Variants in PCDHGA6 observed in about 807,000 individuals in gnomAD.
PCDHGA6 encodes protocadherin gamma subfamily A, 6.
PCDHGA6 carries 41 observed loss-of-function variants against 60.6 expected under a neutral mutation model. The observed-to-expected ratio is 0.68, with a 90% CI of 0.53 to 0.88. The LOEUF is 0.88. PCDHGA6 is among the 40% of genes least tolerant of loss of function. The pLI is 0.00. For missense variants in PCDHGA6, 1,312 were observed against 1,203.0 expected (o/e 1.09, Z -1.34); for synonymous variants, 594 against 524.4 (o/e 1.13, Z -1.81).
chr5:141,458,513 GT>G (rs537551567), intron 1 of PCDHGA6, among the ~76,000 whole-genome samples: 34 of 146,056 alleles, frequency 2.3e-4, no homozygotes, highest in South Asian at 6.5e-4. Flanking sequence ...TTGACACTTT[GT>G]TTTTTTTTTT....
chr5:141,404,071 C>T, intron 1 of PCDHGA6: 2 of 1,613,734 alleles, frequency 1.2e-6, no homozygotes, highest in Non-Finnish European at 1.7e-6. Context: ...ATGCTCATGA[C>T]CGAGACTCCG....
At chr5:141,483,242 C>T (rs2099578681) in intron 1 of PCDHGA6, among the ~76,000 whole-genome samples, 1 of 151,558 alleles carries the variant, frequency 6.6e-6, no homozygotes, top group African/African-American at 2.4e-5. Flanking sequence ...AACTGATATG[C>T]ATATATCATG....
chr5:141,394,435 C>T, intron 1 of PCDHGA6: 1 of 1,614,246 alleles, frequency 6.2e-7, no homozygotes, highest in Non-Finnish European at 8.5e-7. Flanking sequence ...GGGGACCCGC[C>T]CCTCAGCAGC....
At chr5:141,494,972 C>A in intron 2 of PCDHGA6, 107 bp downstream of exon 2, 1 of 1,581,852 alleles carries the variant, frequency 6.3e-7, no homozygotes, top group South Asian at 1.1e-5. Flanking sequence ...TGGCTTCTCC[C>A]TCAGTTTGAG....
chr5:141,390,231 T>C, intron 1 of PCDHGA6: 1 of 1,614,086 alleles, frequency 6.2e-7, no homozygotes, highest in South Asian at 1.1e-5. Flanking sequence ...CGGTGATTCA[T>C]CTGGGGCCTT....
At chr5:141,475,903 G>A in intron 1 of PCDHGA6, 1 of 576,064 alleles carries the variant, frequency 1.7e-6, no homozygotes. Context: ...TGCCGCTGTC[G>A]GCCAATGAAG....
At chr5:141,413,443 A>G (rs2095641277) in intron 1 of PCDHGA6, 1 of 1,613,986 alleles carries the variant, frequency 6.2e-7, no homozygotes, top group Admixed American at 1.7e-5. Context: ...CAGCTTGATC[A>G]CCGCGGGCAG....
At chr5:141,423,202 G>A (rs771252840) in intron 1 of PCDHGA6, 67 of 1,613,500 alleles carry the variant, frequency 4.2e-5, no homozygotes, top group Non-Finnish European at 5.5e-5. Context: ...CTCGGCCACC[G>A]TCACGCTCAC....
chr5:141,380,233 G>A (rs1035611474), intron 1 of PCDHGA6, among the ~76,000 whole-genome samples: 49 of 152,114 alleles, frequency 3.2e-4, no homozygotes, highest in Non-Finnish European at 7.1e-4. Context: ...GGCTTCTGTT[G>A]AGGTGGCAAT....
Position 141,399,408 on chromosome 5 carries a change from C to G in PCDHGA6, c.2424+22901C>G, listed in dbSNP as rs373563586. On this transcript the variant is annotated intron_variant, in intron 1 of 3. Coordinates refer to ENST00000517434, the MANE Select transcript of PCDHGA6 (RefSeq NM_018919.3). ...CAGCCACAGACAGGGGCAAGCCGCC[C>G]CTCTCCTCCAGCATAAGCGTCATCC... 20 of 1,613,888 alleles carry G rather than the reference C, an allele frequency of 1.2e-5. No individual in the cohort carries two copies. In the East Asian group the frequency reaches 3.8e-4, roughly 31 times the overall value.
chr5:141,453,077 T>C (rs2098755487), intron 1 of PCDHGA6, among the ~76,000 whole-genome samples: 1 of 152,090 alleles, frequency 6.6e-6, no homozygotes, highest in African/African-American at 2.4e-5. Context: ...CACACTCTGG[T>C]TGATTAGTAT....
At chr5:141,417,874 C>G in intron 1 of PCDHGA6, 9 of 1,555,320 alleles carry the variant, frequency 5.8e-6, no homozygotes, top group Non-Finnish European at 7.8e-6. Context: ...GAGGGAGCTG[C>G]GCGCAGAGGC....
At chr5:141,423,644 A>G in intron 1 of PCDHGA6, 1 of 1,592,866 alleles carries the variant, frequency 6.3e-7, no homozygotes, top group South Asian at 1.1e-5. Context: ...GGCAAATGTG[A>G]CCCGACAAGT....
At chr5:141,419,936 G>C in intron 1 of PCDHGA6, 1 of 1,614,074 alleles carries the variant, frequency 6.2e-7, no homozygotes, top group Non-Finnish European at 8.5e-7. Context: ...GTTTTACCTG[G>C]TGGTGGCCTT....
intron 1 of PCDHGA6, chr5:141,387,669 T>A: frequency 1.4e-6 from 1 of 693,784 alleles, no homozygotes; most frequent in East Asian, 2.8e-5. Context: ...GCGCTCCAGA[T>A]CTCCTCGCGC....
chr5:141,452,002 T>C (rs965343762), intron 1 of PCDHGA6, among the ~76,000 whole-genome samples: 1 of 152,220 alleles, frequency 6.6e-6, no homozygotes, highest in African/African-American at 2.4e-5. Context: ...GCAAAATCAC[T>C]TGGTCCAGCC....
Position 141,485,057 on chromosome 5 carries a change from C to T in PCDHGA6, c.2425-9750C>T. 1 of 843,720 alleles carries T rather than the reference C, an allele frequency of 1.2e-6. No individual in the cohort carries two copies. The highest frequency in any genetic ancestry group is 1.9e-6 in the Non-Finnish European group (1 of 524,586). 52.3% of individuals were successfully genotyped at this position (843,720 alleles called of 1,614,324 possible). On this transcript the variant is annotated intron_variant, in intron 1 of 3. Transcript: ENST00000517434. This position sits in a 1 kb window ranked among gnomAD's most constrained non-coding sequence, Gnocchi z 5.7. The stretch of plus-strand genomic sequence containing the variant: ...GTAACCCTTGCGGCGCCGGCCGAAC[C>T]GCGCCAGAGCTGGCGCGGGGAAAGG...
chr5:141,478,137 G>A (rs762316494), intron 1 of PCDHGA6: 13 of 1,613,872 alleles, frequency 8.1e-6, no homozygotes, highest in African/African-American at 8.0e-5. Context: ...CCTGAAGCCC[G>A]AGCCGAGTTC....
At chr5:141,382,943 T>G in intron 1 of PCDHGA6, 2 of 1,596,184 alleles carry the variant, frequency 1.3e-6, no homozygotes, top group African/African-American at 1.3e-5. Flanking sequence ...GGATTCTTCC[T>G]GCTCTCCATC....
Sources: gnomAD v4.1 joint callset for allele counts (sites outside exome capture counted in the v4.1 genomes callset) on GRCh38, gnomAD v4.1.1 for gene constraint, Gnocchi (gnomAD v3.1) non-coding constraint, MANE v1.5 for transcripts, NCBI Gene and HGNC (gene_info 2026-07-23, HGNC 2026-07-21) for gene names.